Variants in GPC6 observed in about 807,000 individuals in gnomAD.
GPC6 encodes the protein glypican 6.
Under a neutral mutation model 55.2 loss-of-function variants are expected in GPC6, and 14 were observed. The observed-to-expected ratio is 0.25, with a 90% CI of 0.17 to 0.40. GPC6 has a LOEUF of 0.40. Among genes scored for constraint, GPC6 ranks in the 10% least tolerant of loss-of-function variants. The pLI, the probability that GPC6 is intolerant of heterozygous loss-of-function variation, is 1.00. For synonymous variants in GPC6, 278 were observed against 259.6 expected (o/e 1.07, Z -0.68); for missense variants, 641 against 708.5 (o/e 0.90, Z 1.08).
chr13:93,713,217 A>G (rs1883134280), intron 2 of GPC6, among the ~76,000 whole-genome samples: 2 of 151,780 alleles, frequency 1.3e-5, no homozygotes, highest in Admixed American at 6.6e-5. Flanking sequence ...TTACTGGTAA[A>G]CATAAGGACT....
chr13:93,667,589 T>G (rs1284842854), intron 2 of GPC6, among the ~76,000 whole-genome samples: 4 of 152,044 alleles, frequency 2.6e-5, no homozygotes, highest in African/African-American at 9.7e-5. Flanking sequence ...CCCGCCACCA[T>G]GCCAGGCTAA....
At chr13:94,364,873 T>C (rs944672581) in intron 6 of GPC6, among the ~76,000 whole-genome samples, 1 of 152,204 alleles carries the variant, frequency 6.6e-6, no homozygotes, top group Non-Finnish European at 1.5e-5. Context: ...CCCCTCCCTA[T>C]GGCAGTAAAC....
chr13:93,999,766 T>A (rs921657839), intron 3 of GPC6, among the ~76,000 whole-genome samples: 2 of 152,214 alleles, frequency 1.3e-5, no homozygotes, highest in Non-Finnish European at 2.9e-5. Context: ...ATATTTTTAA[T>A]CACCATAATT....
chr13:94,094,169 TA>T (rs529056918), intron 4 of GPC6, among the ~76,000 whole-genome samples: 132 of 150,930 alleles, frequency 8.7e-4, no homozygotes, highest in East Asian at 2.3e-3. Context: ...TTATTATGTC[TA>T]AAAAAAAATG....
chr13:93,326,455 C>T (rs551325356), intron 1 of GPC6, among the ~76,000 whole-genome samples: 5 of 152,118 alleles, frequency 3.3e-5, no homozygotes, highest in African/African-American at 1.2e-4. Context: ...CACACGCACA[C>T]GCACACACAC....
intron 3 of GPC6, among the ~76,000 whole-genome samples, chr13:93,959,160 A>AT (rs531505656): frequency 0.048 from 6,518 of 136,704 alleles, 357 homozygotes; most frequent in East Asian, 0.14. Flanking sequence ...TAGTTGTATG[A>AT]TTTTTTTTTT....
At chr13:94,267,294 T>C (rs1444579454) in intron 4 of GPC6, among the ~76,000 whole-genome samples, 2 of 152,150 alleles carry the variant, frequency 1.3e-5, no homozygotes, top group Non-Finnish European at 2.9e-5. Flanking sequence ...TGGTAACCTA[T>C]AAGGGTTAGC....
At chr13:94,062,168 A>G (rs1884354102) in intron 4 of GPC6, among the ~76,000 whole-genome samples, 1 of 152,190 alleles carries the variant, frequency 6.6e-6, no homozygotes, top group Non-Finnish European at 1.5e-5. Flanking sequence ...TAGGAAACTT[A>G]CAGTAGCAAA....
chr13:93,518,537 A>C (rs1881292969), intron 1 of GPC6, among the ~76,000 whole-genome samples: 1 of 151,994 alleles, frequency 6.6e-6, no homozygotes, highest in East Asian at 1.9e-4. Flanking sequence ...AATATGTATA[A>C]ATTGAACATT....
intron 2 of GPC6, among the ~76,000 whole-genome samples, chr13:93,569,117 C>A (rs151137656): frequency 1.3e-5 from 2 of 152,244 alleles, no homozygotes; most frequent in South Asian, 2.1e-4. Flanking sequence ...TATTTTGATA[C>A]CTTCATTTAC....
intron 1 of GPC6, among the ~76,000 whole-genome samples, chr13:93,298,246 C>G (rs1878559703): frequency 6.6e-6 from 1 of 152,178 alleles, no homozygotes; most frequent in Non-Finnish European, 1.5e-5. Context: ...CCAGATCTTG[C>G]ATGTACCCAG....
chr13:94,040,587 C>A (rs977741314), intron 4 of GPC6, among the ~76,000 whole-genome samples: 2 of 151,760 alleles, frequency 1.3e-5, no homozygotes, highest in East Asian at 3.9e-4. Context: ...CAAGAAAATG[C>A]CCTAAAACCA....
At chr13:93,411,068 C>T (rs890286606) in intron 1 of GPC6, among the ~76,000 whole-genome samples, 14 of 152,320 alleles carry the variant, frequency 9.2e-5, no homozygotes, top group African/African-American at 3.1e-4. Context: ...CATCTCATGA[C>T]TGTTGATACC....
At chr13:93,427,398 CAG>C (rs1449104658) in intron 1 of GPC6, among the ~76,000 whole-genome samples, 1 of 151,500 alleles carries the variant, frequency 6.6e-6, no homozygotes, top group African/African-American at 2.4e-5. Flanking sequence ...GGTACCAAAA[CAG>C]AGATATAGAT....
chr13:93,397,436 C>T (rs1875901170), intron 1 of GPC6, among the ~76,000 whole-genome samples: 2 of 152,160 alleles, frequency 1.3e-5, no homozygotes, highest in African/African-American at 4.8e-5. Flanking sequence ...TGCTGAGTCA[C>T]CATTTGGATA....
intron 1 of GPC6, among the ~76,000 whole-genome samples, chr13:93,544,543 T>A (rs1412166511): frequency 6.6e-6 from 1 of 152,186 alleles, no homozygotes; most frequent in East Asian, 1.9e-4. Flanking sequence ...CCATTTTAAT[T>A]TCATGAAGCA....
rs142386566 is a variant in GPC6, at chr13:93,431,756, A to G, written c.161-113507A>G. On this transcript the variant is annotated intron_variant, in intron 1 of 8. Transcript: ENST00000377047. Reference sequence around the variant, plus strand: ...AGGATGAGACAAATTTGGCACGCAGAAAAAGATGGACAACGTTGGCTTTGG... The same window carrying G: ...AGGATGAGACAAATTTGGCACGCAGGAAAAGATGGACAACGTTGGCTTTGG... 2.2e-3 allele frequency among the ~76,000 whole-genome samples: 332 copies of G among 152,276 alleles called. 2 individuals are homozygous for G. The highest frequency in any genetic ancestry group is 7.8e-3 in the African/African-American group (324 of 41,574).
intron 1 of GPC6, among the ~76,000 whole-genome samples, chr13:93,487,752 G>T (rs868629747): frequency 6.6e-6 from 1 of 152,214 alleles, no homozygotes; most frequent in South Asian, 2.1e-4. Flanking sequence ...AAGCAGTAAC[G>T]TGAAATCCGC....
intron 2 of GPC6, among the ~76,000 whole-genome samples, chr13:93,634,117 C>T (rs758184099): frequency 6.6e-6 from 1 of 152,172 alleles, no homozygotes; most frequent in Non-Finnish European, 1.5e-5. Context: ...GATATGAAAA[C>T]TGCTGTCCTG....
Sources: allele counts gnomAD v4.1 joint callset (sites outside exome capture counted in the v4.1 genomes callset), GRCh38; gene constraint gnomAD v4.1.1; transcripts MANE v1.5; gene names NCBI Gene and HGNC (gene_info 2026-07-23, HGNC 2026-07-21).